CENPF: variants seen among roughly 807,000 people sequenced by gnomAD.
The protein encoded by CENPF is centromere protein F.
A neutral mutation model predicts 307.3 loss-of-function variants in CENPF; 214 were observed. The ratio of observed to expected loss-of-function variants is 0.70; its 90% CI spans 0.62 to 0.78. The LOEUF (loss-of-function observed/expected upper bound fraction) is 0.78, where lower values mean the gene tolerates loss of function less well. Ranked by LOEUF, CENPF falls within the 30% of genes least tolerant of loss-of-function variation. The probability of loss-of-function intolerance (pLI) is 0.00; values close to 1 mark genes in which losing one functional copy is unlikely to be tolerated. For synonymous variants in CENPF, 1,259 were observed against 1,270.6 expected (o/e 0.99, Z 0.19); for missense variants, 3,401 against 3,483.9 (o/e 0.98, Z 0.60).
chr1:214,637,812 ATAACT>A, intron 10 of CENPF, 49 bp from the exon 11 acceptor site: 4 of 1,568,312 alleles, frequency 2.6e-6, no homozygotes, highest in Non-Finnish European at 3.4e-6. Flanking sequence ...GGCAGAAGTC[ATAACT>A]TACTTGAGCA....
At chr1:214,657,460 T>C in intron 18 of CENPF, 51 bp downstream of exon 18, 1 of 1,354,230 alleles carries the variant, frequency 7.4e-7, no homozygotes, top group Non-Finnish European at 1.0e-6. Context: ...AAATTCCATA[T>C]AATGGTTCAC....
intron 11 of CENPF, among the ~76,000 whole-genome samples, chr1:214,638,882 G>A (rs946409292): frequency 6.6e-6 from 1 of 152,226 alleles, no homozygotes; most frequent in African/African-American, 2.4e-5. Context: ...AGAAATGTCA[G>A]TTTTCAGCTT....
intron 17 of CENPF, among the ~76,000 whole-genome samples, chr1:214,655,923 A>G (rs1410022343): frequency 2.6e-5 from 4 of 152,168 alleles, no homozygotes; most frequent in Non-Finnish European, 5.9e-5. Context: ...GAATTATCGC[A>G]TCTTCCATTC....
chr1:214,639,633 A>G lies in CENPF; in HGVS notation c.1583-288A>G, dbSNP rs147985539. On this transcript the variant is annotated intron_variant, in intron 11 of 19. Transcript: ENST00000366955. ...ACAAAGAAAAGAAACAGTGCTTAGG[A>G]AAATCATCCCTTGGTATTTTATTCA... Among the ~76,000 whole-genome samples, 280 of 152,332 alleles carry G rather than the reference A, an allele frequency of 1.8e-3. 1 individual carries two copies. The highest frequency in any genetic ancestry group is 6.5e-3 in the African/African-American group (270 of 41,582).
At position 214,645,279 on chromosome 1, in the gene CENPF, G is replaced by A; in HGVS notation, c.5709G>A (p.Glu1903=). The change falls in exon 13 of 20, where the codon GAG becomes GAA. Residue 1903 remains glutamate, a synonymous_variant. Coordinates refer to ENST00000366955, the MANE Select transcript of CENPF (RefSeq NM_016343.4). ...AGAGATTTCTTGATGTGGAAAATGA[G>A]CTGAGTAGGATCAGATCGGAGAAAG... ...WKERFLDVEN[E]LSRIRSEKAS... is the part of the protein sequence containing the mutation. The A allele has an allele frequency of 6.2e-7, 1 of 1,614,112 alleles. No homozygotes were observed. The highest frequency in any genetic ancestry group is 8.5e-7 in the Non-Finnish European group (1 of 1,180,014).
chr1:214,612,384 T>C (rs770064899), intron 1 of CENPF, among the ~76,000 whole-genome samples: 3 of 152,190 alleles, frequency 2.0e-5, no homozygotes, highest in Non-Finnish European at 4.4e-5. Context: ...AGTATATTTT[T>C]GAGGAATTTT....
chr1:214,629,583 G>T (rs1251265591), intron 8 of CENPF, among the ~76,000 whole-genome samples: 2 of 149,800 alleles, frequency 1.3e-5, no homozygotes, highest in Admixed American at 1.3e-4. Context: ...ACAGAGTCTC[G>T]CAGTGTTACC....
At chr1:214,622,534 G>A (rs892483982) in intron 7 of CENPF, among the ~76,000 whole-genome samples, 11 of 152,178 alleles carry the variant, frequency 7.2e-5, no homozygotes, top group African/African-American at 2.7e-4. Flanking sequence ...GGGGGTAATA[G>A]AGAATAAAGA....
rs778903516 is a variant in CENPF at position 214,643,080 on chromosome 1, T to A, written c.4742T>A (p.Ile1581Asn). 36 of 1,609,678 alleles carry A rather than the reference T, an allele frequency of 2.2e-5. No homozygotes were observed. In the South Asian group the frequency reaches 3.9e-4, roughly 17 times the overall value. The change falls in exon 12 of 20, where the codon ATT (isoleucine) becomes AAT (asparagine). Residue 1581 changes from isoleucine (I) to asparagine (N), a missense_variant. Ile to Asn is a moderately radical substitution (Grantham distance 149). Coordinates refer to ENST00000366955, the MANE Select transcript of CENPF (RefSeq NM_016343.4). Reference protein sequence around the residue: ...ESQGIMKNKEIQELEQLLSSE... With the variant: ...ESQGIMKNKENQELEQLLSSE... Reference sequence around the variant, plus strand: ...CAAGGGATTATGAAAAATAAGGAAATTCAAGAGCTCGAGCAGTTATTAAGT... The same window carrying A: ...CAAGGGATTATGAAAAATAAGGAAAATCAAGAGCTCGAGCAGTTATTAAGT...
rs1368085730 is a variant in CENPF at position 214,651,831 on chromosome 1, G to A, written c.8105G>A (p.Arg2702Gln). Reference protein sequence around the residue: ...VREEIAEYQLRLHEAEKKHQA... With the variant: ...VREEIAEYQLQLHEAEKKHQA... ...GAGGAAATAGCTGAATATCAGCTAC[G>A]GCTTCATGAAGCTGAAAAGAAACAC... is the stretch of plus-strand genomic sequence containing the variant. Residue 2702 changes from arginine to glutamine, a missense_variant, in exon 15 of 20, where the codon CGG becomes CAG. Transcript: ENST00000366955. 10 of 1,611,792 alleles carry A rather than the reference G, an allele frequency of 6.2e-6. No homozygotes were observed. Among genetic ancestry groups the A allele is most frequent in the Non-Finnish European group, 7.6e-6 (9 of 1,179,454 alleles).
At chr1:214,657,944 A>G (rs448617) in intron 18 of CENPF, among the ~76,000 whole-genome samples, 80,344 of 152,082 alleles carry the variant, frequency 0.53, 21,957 homozygotes, top group East Asian at 0.88. Context: ...AGAAATTTTC[A>G]TAGCAACTTG....
At chr1:214,618,342 A>C (rs937561079) in intron 3 of CENPF, among the ~76,000 whole-genome samples, 2 of 152,172 alleles carry the variant, frequency 1.3e-5, no homozygotes, top group African/African-American at 4.8e-5. Context: ...TTACTGGTTT[A>C]TGTTTCTGTT....
At chr1:214,647,979 G>A in intron 13 of CENPF, 1 of 502,938 alleles carries the variant, frequency 2.0e-6, no homozygotes, top group South Asian at 1.5e-5. Context: ...GATGATTAAA[G>A]GGAAGATCTG....
At position 214,641,063 on chromosome 1, in the gene CENPF, A is replaced by C. The variant is rs1348464756; in HGVS notation, c.2725A>C (p.Lys909Gln). 6 of 1,564,224 alleles carry C rather than the reference A, an allele frequency of 3.8e-6. No homozygotes were observed. The highest frequency in any genetic ancestry group is 5.2e-6 in the Non-Finnish European group (6 of 1,164,114). Residue 909 changes from lysine to glutamine, a missense_variant, in exon 12 of 20, where the codon AAG (lysine) becomes CAG (glutamine). Physicochemically the swap from Lys to Gln is moderately conservative, Grantham distance 53. Transcript: ENST00000366955. ...VAETLSALENKEKELQLLNDK... is the reference protein window; with the variant it reads ...VAETLSALENQEKELQLLNDK... ...TGAAACCTTAAGTGCCCTTGAGAACAAGGAAAAAGAGCTGCAACTTTTAAA... is the reference window on the plus strand; with the variant it reads ...TGAAACCTTAAGTGCCCTTGAGAACCAGGAAAAAGAGCTGCAACTTTTAAA...
At chr1:214,660,470 A>G (rs1336489080) in intron 19 of CENPF, among the ~76,000 whole-genome samples, 1 of 152,230 alleles carries the variant, frequency 6.6e-6, no homozygotes, top group Non-Finnish European at 1.5e-5. Flanking sequence ...TGACTTTCCA[A>G]TGAACATGAG....
chr1:214,645,210 A>T lies in CENPF; in HGVS notation c.5640A>T (p.Glu1880Asp), dbSNP rs370241377. Reference sequence around the variant, plus strand: ...TGCATGCAGATAAATCATCACGTGAAGATATTGGAGATAATGTGGCCAAGG... The same window carrying T: ...TGCATGCAGATAAATCATCACGTGATGATATTGGAGATAATGTGGCCAAGG... Reference protein sequence around the residue: ...LEMHADKSSREDIGDNVAKVN... With the variant: ...LEMHADKSSRDDIGDNVAKVN... Residue 1880 changes from glutamate to aspartate, a missense_variant, in exon 13 of 20, where the codon GAA becomes GAT. Coordinates refer to ENST00000366955, the MANE Select transcript of CENPF (RefSeq NM_016343.4). 1 of 1,613,936 alleles carries T rather than the reference A, an allele frequency of 6.2e-7. No individual in the cohort carries two copies. Among genetic ancestry groups the T allele is most frequent in the African/African-American group, 1.3e-5 (1 of 74,916 alleles).
Position 214,642,553 on chromosome 1 carries a change from C to A in CENPF, c.4215C>A (p.Ala1405=), listed in dbSNP as rs541145038. ...LSDKEVQMHF[A]ELQEKFLSLQ... Reference sequence around the variant, plus strand: ...ACAAAGAAGTTCAAATGCACTTTGCCGAATTGCAAGAGAAATTCTTATCTT... The same window carrying A: ...ACAAAGAAGTTCAAATGCACTTTGCAGAATTGCAAGAGAAATTCTTATCTT... Residue 1405 remains alanine, a synonymous_variant, in exon 12 of 20, where the codon GCC becomes GCA. Coordinates refer to ENST00000366955, the MANE Select transcript of CENPF (RefSeq NM_016343.4). 1.2e-6 allele frequency: 2 copies of A among 1,611,192 alleles called. No homozygotes were observed. Among genetic ancestry groups the A allele is most frequent in the Non-Finnish European group, 1.7e-6 (2 of 1,178,756 alleles).
chr1:214,625,038 T>A (rs1418911520), intron 7 of CENPF, among the ~76,000 whole-genome samples: 1 of 152,176 alleles, frequency 6.6e-6, no homozygotes, highest in Non-Finnish European at 1.5e-5. Context: ...GTGTCCATGG[T>A]AATTTTCTTT....
chr1:214,608,456 T>A (rs1657100943), intron 1 of CENPF: 7 of 1,613,092 alleles, frequency 4.3e-6, no homozygotes, highest in African/African-American at 2.7e-5. Flanking sequence ...ATGTAGAAGC[T>A]GCTCATCTGG....
Sources: gnomAD v4.1 joint callset for allele counts (sites outside exome capture counted in the v4.1 genomes callset) on GRCh38, gnomAD v4.1.1 for gene constraint, MANE v1.5 for transcripts, NCBI Gene and HGNC (gene_info 2026-07-23, HGNC 2026-07-21) for gene names.